Variants in LAMB1 observed in about 807,000 individuals in gnomAD.
The protein encoded by LAMB1 is laminin subunit beta-1.
A neutral mutation model predicts 222.3 loss-of-function variants in LAMB1; 121 were observed. That is an observed-to-expected ratio of 0.54 (90% CI 0.47 to 0.63). The LOEUF (loss-of-function observed/expected upper bound fraction) is 0.63, where lower values mean the gene tolerates loss of function less well. LAMB1 is among the 30% of genes least tolerant of loss of function. The pLI is 0.00. For missense variants in LAMB1, 2,172 were observed against 2,240.8 expected (o/e 0.97, Z 0.62); for synonymous variants, 794 against 807.2 (o/e 0.98, Z 0.28).
chr7:107,934,302 C>G (rs2032787236), intron 27 of LAMB1, among the ~76,000 whole-genome samples: 1 of 152,164 alleles, frequency 6.6e-6, no homozygotes. Flanking sequence ...GGAAGCATCA[C>G]TAAGACAAAG....
chr7:107,940,332 C>G lies in LAMB1; in HGVS notation c.3418G>C (p.Glu1140Gln). ...RACDCDPRGI[E>Q]TPQCDQSTGQ... ...GTGGACTGGTCACACTGTGGCGTCTCAATGCCCCTGGGGTCACAGTCACAG... is the reference window on the plus strand; with the variant it reads ...GTGGACTGGTCACACTGTGGCGTCTGAATGCCCCTGGGGTCACAGTCACAG... Residue 1140 changes from glutamate (E) to glutamine (Q), a missense_variant, in exon 25 of 34, where the codon GAG becomes CAG. Physicochemically the swap from Glu to Gln is conservative, Grantham distance 29. Transcript: ENST00000222399. The G allele has an allele frequency of 6.2e-7, 1 of 1,613,990 alleles. No homozygotes were observed. The highest frequency in any genetic ancestry group is 2.2e-5 in the East Asian group (1 of 44,864).
intron 13 of LAMB1, among the ~76,000 whole-genome samples, chr7:107,970,890 G>A (rs1016688736): frequency 7.2e-5 from 11 of 151,962 alleles, no homozygotes; most frequent in Non-Finnish European, 1.2e-4. Context: ...GTGCCACCAC[G>A]CCTGGCTAAT....
At chr7:107,936,410 AAG>A (rs2032848188) in intron 26 of LAMB1, 1 of 152,192 alleles carries the variant, frequency 6.6e-6, no homozygotes, top group Non-Finnish European at 1.5e-5. Flanking sequence ...GAGAAAAAGA[AAG>A]AAGTATATAG....
chr7:107,978,146 T>G lies in LAMB1; in HGVS notation c.901A>C (p.Arg301=). ...CAGTTTAAGCCCTTGGTGTTATGCCTGCACATGCAGTGTCCGTGAACCTTG... is the reference window on the plus strand; with the variant it reads ...CAGTTTAAGCCCTTGGTGTTATGCCGGCACATGCAGTGTCCGTGAACCTTG... The part of the protein sequence containing the change: ...EGMVHGHCMC[R]HNTKGLNCEL... Residue 301 remains arginine, a synonymous_variant, in exon 9 of 34, where the codon AGG becomes CGG. Coordinates refer to ENST00000222399, the MANE Select transcript of LAMB1 (RefSeq NM_002291.3). The G allele has an allele frequency of 6.2e-7, 1 of 1,614,118 alleles. No individual in the cohort carries two copies. The highest frequency in any genetic ancestry group is 2.2e-5 in the East Asian group (1 of 44,886).
chr7:107,982,177 T>A (rs984458257), intron 7 of LAMB1, among the ~76,000 whole-genome samples: 1 of 152,212 alleles, frequency 6.6e-6, no homozygotes, highest in African/African-American at 2.4e-5. Flanking sequence ...GAAGAGCCAT[T>A]CAACCTTCTC....
At chr7:107,960,776 A>C in intron 17 of LAMB1, 127 bp from the exon 18 acceptor site, 1 of 719,090 alleles carries the variant, frequency 1.4e-6, no homozygotes, top group Non-Finnish European at 2.3e-6. Flanking sequence ...AGACTCATTA[A>C]ATAAAGTATA....
chr7:107,935,347 G>GCTTTTT, intron 27 of LAMB1, 68 bp downstream of exon 27: 3 of 1,171,424 alleles, frequency 2.6e-6, no homozygotes, highest in Non-Finnish European at 3.4e-6. Flanking sequence ...GTTTTTCTTT[G>GCTTTTT]TTTTTTTTTT....
intron 32 of LAMB1, 69 bp downstream of exon 32, chr7:107,926,114 A>G (rs536837200): frequency 9.7e-6 from 12 of 1,233,074 alleles, no homozygotes; most frequent in Non-Finnish European, 1.3e-5. Flanking sequence ...CCCTTACTCT[A>G]AGGCAGGCAA....
chr7:107,953,995 T>C (rs2033319254), intron 21 of LAMB1, among the ~76,000 whole-genome samples: 1 of 152,120 alleles, frequency 6.6e-6, no homozygotes, highest in Admixed American at 6.5e-5. Flanking sequence ...TCTAATGTTT[T>C]GTAGTCTCTA....
intron 3 of LAMB1, among the ~76,000 whole-genome samples, chr7:107,999,496 C>A (rs1017116703): frequency 1.3e-5 from 2 of 152,134 alleles, no homozygotes; most frequent in Non-Finnish European, 2.9e-5. Flanking sequence ...CGTACTTTTA[C>A]GTTGTATTTC....
At chr7:107,970,010 T>G (rs1235308711) in intron 13 of LAMB1, among the ~76,000 whole-genome samples, 1 of 152,224 alleles carries the variant, frequency 6.6e-6, no homozygotes, top group East Asian at 1.9e-4. Context: ...TTTTAGTCCC[T>G]CATTTATTGA....
chr7:107,975,578 T>C, intron 10 of LAMB1, 111 bp downstream of exon 10: 1 of 1,286,818 alleles, frequency 7.8e-7, no homozygotes, highest in Non-Finnish European at 1.1e-6. Flanking sequence ...GCAATTACAA[T>C]AACAATGCTG....
chr7:107,975,051 C>T lies in LAMB1; in HGVS notation c.1417G>A (p.Asp473Asn). 6.2e-7 allele frequency: 1 copy of T among 1,613,606 alleles called. No homozygotes were observed. Among genetic ancestry groups the T allele is most frequent in the Admixed American group, 1.7e-5 (1 of 60,034 alleles). The change falls in exon 12 of 34, where the codon GAT becomes AAT. Residue 473 changes from aspartate to asparagine, a missense_variant. Asp to Asn is a conservative substitution (Grantham distance 23). Coordinates refer to ENST00000222399, the MANE Select transcript of LAMB1 (RefSeq NM_002291.3). Reference sequence around the variant, plus strand: ...CAGTAGCAGTGACCTGTCTCGGAATCACAAGGATTCCCTCCAGGAATTGTT... The same window carrying T: ...CAGTAGCAGTGACCTGTCTCGGAATTACAAGGATTCCCTCCAGGAATTGTT... ...LGTIPGGNPC[D>N]SETGHCYCKR...
intron 18 of LAMB1, 29 bp downstream of exon 18, chr7:107,960,416 A>G (rs2033472398): frequency 6.4e-7 from 1 of 1,563,584 alleles, no homozygotes; most frequent in African/African-American, 1.4e-5. Context: ...CAGAAACAGC[A>G]GCTGCTGCAG....
At chr7:107,951,109 C>G (rs2033236555) in intron 24 of LAMB1, 117 bp downstream of exon 24, 3 of 687,594 alleles carry the variant, frequency 4.4e-6, no homozygotes, top group Non-Finnish European at 7.5e-6. Flanking sequence ...CAATTAAATA[C>G]AGGTTCTTAT....
Position 107,935,421 on chromosome 7 carries a change from G to C in LAMB1, c.4182C>G (p.Ala1394=). ...CCACATCCCCAAACCTTACCATTTC[G>C]GCAGCGGCTGAAAGGTCTAGGCTTT... is the stretch of plus-strand genomic sequence containing the variant. ...KLQSLDLSAA[A]EMTCGTPPGA... is the part of the protein sequence containing the mutation. Residue 1394 remains alanine, a synonymous_variant, in exon 27 of 34, where the codon GCC becomes GCG. Transcript: ENST00000222399. 6.4e-7 allele frequency: 1 copy of C among 1,568,580 alleles called. No homozygotes were observed. Among genetic ancestry groups the C allele is most frequent in the Non-Finnish European group, 8.6e-7 (1 of 1,160,134 alleles).
intron 13 of LAMB1, among the ~76,000 whole-genome samples, chr7:107,967,343 T>C (rs1169298524): frequency 6.6e-6 from 1 of 152,158 alleles, no homozygotes; most frequent in Non-Finnish European, 1.5e-5. Flanking sequence ...CCCATACCTG[T>C]TACTCTAACA....
chr7:107,983,593 C>T (rs561476885), intron 7 of LAMB1, among the ~76,000 whole-genome samples: 1 of 140,522 alleles, frequency 7.1e-6, no homozygotes, highest in Non-Finnish European at 1.5e-5. Flanking sequence ...TGCTCTGTCA[C>T]CCAGACTGGA....
Position 108,003,120 on chromosome 7 carries a change from C to G in LAMB1, c.-96G>C. 6 of 839,598 alleles carry G rather than the reference C, an allele frequency of 7.1e-6. 1 individual carries two copies. The highest frequency in any genetic ancestry group is 8.7e-6 in the Non-Finnish European group (5 of 574,252). The allele number at this position is 839,598 out of a possible 1,614,324, so 52.0% of individuals were successfully genotyped here. ...ACTTTGTTCTCCTCACCCGGCGACGCGAGCTCTCGCCCTGCTCCGGGAGCC... is the reference window on the plus strand; with the variant it reads ...ACTTTGTTCTCCTCACCCGGCGACGGGAGCTCTCGCCCTGCTCCGGGAGCC... On this transcript the variant is annotated 5_prime_UTR_variant, in exon 1 of 34. Transcript: ENST00000222399.
Sources: allele counts gnomAD v4.1 joint callset (sites outside exome capture counted in the v4.1 genomes callset), GRCh38; gene constraint gnomAD v4.1.1; transcripts MANE v1.5; gene names NCBI Gene and HGNC (gene_info 2026-07-23, HGNC 2026-07-21).